The following RARS2 variants were observed in gnomAD, a reference collection of about 807,000 sequenced individuals.
The protein encoded by RARS2 is probable arginine--tRNA ligase, mitochondrial.
RARS2 carries 67 observed loss-of-function variants against 88.5 expected under a neutral mutation model. The ratio of observed to expected loss-of-function variants is 0.76; its 90% CI spans 0.62 to 0.93. The LOEUF is 0.93. Among genes scored for constraint, RARS2 ranks in the 40% least tolerant of loss-of-function variants. RARS2 has a pLI of 0.00. For missense variants in RARS2, 664 were observed against 684.2 expected (o/e 0.97, Z 0.33); for synonymous variants, 239 against 230.3 (o/e 1.04, Z -0.34).
At chr6:87,556,961 A>G (rs1786143494) in intron 4 of RARS2, among the ~76,000 whole-genome samples, 1 of 151,988 alleles carries the variant, frequency 6.6e-6, no homozygotes, top group African/African-American at 2.4e-5. Context: ...CCCAAAATGC[A>G]TCTTGAGTCT....
At chr6:87,552,109 A>T (rs1252780144) in intron 5 of RARS2, among the ~76,000 whole-genome samples, 1 of 152,214 alleles carries the variant, frequency 6.6e-6, no homozygotes, top group Non-Finnish European at 1.5e-5. Context: ...CAGGTTTCAG[A>T]ATCAAGAGTT....
intron 17 of RARS2, among the ~76,000 whole-genome samples, chr6:87,517,559 TA>T (rs1413602888): frequency 6.6e-6 from 1 of 152,108 alleles, no homozygotes; most frequent in Non-Finnish European, 1.5e-5. Flanking sequence ...TACATGTGAG[TA>T]AATTTTTCTG....
chr6:87,524,356 T>C (rs1330550335), intron 11 of RARS2, among the ~76,000 whole-genome samples: 3 of 152,214 alleles, frequency 2.0e-5, no homozygotes, highest in African/African-American at 7.2e-5. Flanking sequence ...TGAGCTAATA[T>C]GGTCATCTTT....
At chr6:87,544,317 C>A (rs1227369139) in intron 7 of RARS2, among the ~76,000 whole-genome samples, 1 of 152,200 alleles carries the variant, frequency 6.6e-6, no homozygotes, top group African/African-American at 2.4e-5. Flanking sequence ...CCATAGTGAA[C>A]AGTAATGGTT....
intron 11 of RARS2, 46 bp downstream of exon 11, chr6:87,524,511 G>C (rs781711219): frequency 2.2e-6 from 3 of 1,390,850 alleles, no homozygotes; most frequent in Non-Finnish European, 3.1e-6. Context: ...TCATCTGAAA[G>C]CAACAGATTT....
At chr6:87,554,339 G>A (rs1286359658) in intron 5 of RARS2, among the ~76,000 whole-genome samples, 4 of 152,000 alleles carry the variant, frequency 2.6e-5, no homozygotes, top group African/African-American at 7.2e-5. Context: ...CTGACAGCAC[G>A]TTAGAAAGTT....
chr6:87,521,548 A>C (rs1220189243), intron 11 of RARS2, 24 bp from the exon 12 acceptor site: 2 of 1,579,710 alleles, frequency 1.3e-6, no homozygotes, highest in Non-Finnish European at 1.7e-6. Flanking sequence ...GCCATAAACC[A>C]AGAGTTACTA....
intron 1 of RARS2, among the ~76,000 whole-genome samples, chr6:87,578,958 C>CAA (rs72383675): frequency 0.34 from 14,221 of 41,806 alleles, 5,250 homozygotes; most frequent in Middle Eastern, 0.4. Flanking sequence ...GAGACTGTCT[C>CAA]AAAAAAAAAA....
chr6:87,519,925 G>A (rs960760252), intron 13 of RARS2, among the ~76,000 whole-genome samples: 4 of 152,102 alleles, frequency 2.6e-5, no homozygotes, highest in Non-Finnish European at 4.4e-5. Context: ...TTGCCTTTAG[G>A]AGAAAAAGGA....
rs1770563312 is a variant in RARS2, at chr6:87,573,810, G to A, written c.37-4220C>T. Among the ~76,000 whole-genome samples the A allele has an allele frequency of 1.3e-5, 2 of 152,168 alleles. 1 individual carries two copies. Among genetic ancestry groups the A allele is most frequent in the South Asian group, 4.1e-4 (2 of 4,832 alleles). On this transcript the variant is annotated intron_variant, in intron 1 of 19. Coordinates refer to ENST00000369536, the MANE Select transcript of RARS2 (RefSeq NM_020320.5). ...AAGAAAAGGAAGGAAAGTAATTAGA[G>A]AGTAAACAGGTAGGTAGGTTGGTTC...
In RARS2 at chr6:87,564,115, A is replaced by C. The variant is rs1327124690; in HGVS notation, c.213+15T>G. The C allele has an allele frequency of 1.3e-6, 2 of 1,557,170 alleles. No homozygotes were observed. Among genetic ancestry groups the C allele is most frequent in the Admixed American group, 1.7e-5 (1 of 59,942 alleles). On this transcript the variant is annotated intron_variant, in intron 3 of 19. Coordinates refer to ENST00000369536, the MANE Select transcript of RARS2 (RefSeq NM_020320.5). ...TTTATTACAATGTCAAAAAGAGATA[A>C]TAGTGCTAACGTACCTTCTCTGCTA...
rs1085307089 is a variant in RARS2, at chr6:87,564,153, GA to G, written c.189del (p.Gln64LysfsTer5). ...DNDHSRPDIQ[V>X]QAKRLAEKLR... ...ACCTTCTCTGCTAGTCTCTTGGCTT[GA>G]ACTTGAATATCTGGTCTTGAATGGT... On this transcript the variant is annotated frameshift_variant, in exon 3 of 20. Coordinates refer to ENST00000369536, the MANE Select transcript of RARS2 (RefSeq NM_020320.5). LOFTEE classifies it high-confidence loss of function. The G allele has an allele frequency of 6.2e-7, 1 of 1,612,122 alleles. No individual in the cohort carries two copies. The highest frequency in any genetic ancestry group is 2.2e-5 in the East Asian group (1 of 44,844).
chr6:87,534,804 G>A (rs1778631228), intron 8 of RARS2, among the ~76,000 whole-genome samples: 1 of 152,198 alleles, frequency 6.6e-6, no homozygotes, highest in South Asian at 2.1e-4. Context: ...GGTGGTGCAG[G>A]CCCACAGTGG....
At chr6:87,553,656 C>T (rs189561957) in intron 5 of RARS2, among the ~76,000 whole-genome samples, 6 of 152,346 alleles carry the variant, frequency 3.9e-5, no homozygotes, top group Admixed American at 1.3e-4. Flanking sequence ...AATCCCTACA[C>T]TAAGGTTTGC....
chr6:87,568,067 G>A (rs1374362344), intron 2 of RARS2, among the ~76,000 whole-genome samples: 5 of 152,248 alleles, frequency 3.3e-5, no homozygotes, highest in Admixed American at 6.5e-5. Context: ...CACCGTGCCC[G>A]GCCCCAATAT....
Position 87,569,498 on chromosome 6 carries a change from C to T in RARS2, c.110+19G>A. The T allele has an allele frequency of 6.5e-7, 1 of 1,548,474 alleles. No homozygotes were observed. The highest frequency in any genetic ancestry group is 8.9e-7 in the Non-Finnish European group (1 of 1,120,710). On this transcript the variant is annotated intron_variant, in intron 2 of 19. Coordinates refer to ENST00000369536, the MANE Select transcript of RARS2 (RefSeq NM_020320.5). ...GTCAGCAACATTTTATAGATTGTTA[C>T]AAGTGTATTATACTTAACTCTTTTT...
intron 8 of RARS2, among the ~76,000 whole-genome samples, chr6:87,540,971 G>A (rs531350579): frequency 6.6e-6 from 1 of 152,176 alleles, no homozygotes; most frequent in South Asian, 2.1e-4. Flanking sequence ...CATTTTTCAA[G>A]TCTAATTGAT....
intron 18 of RARS2, among the ~76,000 whole-genome samples, chr6:87,515,270 C>T (rs138404213): frequency 5.5e-4 from 84 of 152,260 alleles, no homozygotes; most frequent in Middle Eastern, 3.4e-3. Flanking sequence ...GCCTGTAATC[C>T]CAGCACTTTG....
intron 4 of RARS2, among the ~76,000 whole-genome samples, chr6:87,556,912 A>G (rs1286407714): frequency 1.3e-5 from 2 of 151,472 alleles, no homozygotes; most frequent in South Asian, 2.1e-4. Flanking sequence ...TTAGCCTCCT[A>G]AAGTGCTGGG....
Sources: allele counts gnomAD v4.1 joint callset (sites outside exome capture counted in the v4.1 genomes callset), GRCh38; gene constraint gnomAD v4.1.1; transcripts MANE v1.5; gene names NCBI Gene and HGNC (gene_info 2026-07-23, HGNC 2026-07-21).